ZNF583: variants seen among roughly 807,000 people sequenced by gnomAD.
ZNF583 encodes the protein zinc finger protein 583, also known as zinc finger protein L3-5.
In ZNF583, 30 loss-of-function variants were observed where a neutral mutation model predicts 55.3. The observed-to-expected ratio is 0.54, with a 90% CI of 0.41 to 0.74. ZNF583 has a LOEUF of 0.74. Ranked by LOEUF, ZNF583 falls within the 30% of genes least tolerant of loss-of-function variation. ZNF583 has a pLI of 0.00. For missense variants in ZNF583, 504 were observed against 664.7 expected, an observed-to-expected ratio of 0.76 and a Z score of 2.66; for synonymous variants, 208 against 220.0, an observed-to-expected ratio of 0.95 and a Z score of 0.48.
Position 56,424,377 on chromosome 19 carries a change from G to C in ZNF583, c.*9G>C. The stretch of plus-strand genomic sequence containing the variant: ...TAGGTTTCATCTCCTGAATATTTCT[G>C]GAATCCACCTCTTGAATCCATTTCC... On this transcript the variant is annotated 3_prime_UTR_variant, in exon 5 of 5. Transcript: ENST00000333201. 1 of 1,145,464 alleles carries C rather than the reference G, an allele frequency of 8.7e-7. No individual in the cohort carries two copies. Among genetic ancestry groups the C allele is most frequent in the South Asian group, 1.3e-5 (1 of 77,830 alleles). The allele number at this position is 1,145,464 out of a possible 1,614,324, so 71.0% of individuals were successfully genotyped here.
rs2042118814 is a variant in ZNF583 at position 56,404,778 on chromosome 19, C to T, written c.-90+326C>T. Among the ~76,000 whole-genome samples, 1 of 152,040 alleles carries T rather than the reference C, an allele frequency of 6.6e-6. No homozygotes were observed. Among genetic ancestry groups the T allele is most frequent in the Non-Finnish European group, 1.5e-5 (1 of 68,022 alleles). On this transcript the variant is annotated intron_variant, in intron 1 of 4. Coordinates refer to ENST00000333201, the MANE Select transcript of ZNF583 (RefSeq NM_152478.3). This position sits in a 1 kb window ranked among gnomAD's most constrained non-coding sequence, Gnocchi z 5.2. ...ACCGTTGCCCCGGTGTATGCGGGAG[C>T]CTTTGACAGTATATGGGACCGTGTG... is the stretch of plus-strand genomic sequence containing the variant.
chr19:56,424,328 C>A lies in ZNF583; in HGVS notation c.1670C>A (p.Thr557Lys). 2 of 1,587,118 alleles carry A rather than the reference C, an allele frequency of 1.3e-6. No individual in the cohort carries two copies. The highest frequency in any genetic ancestry group is 1.7e-5 in the Admixed American group (1 of 59,822). ...ACTCTTTCCTCTCCCTCACCCTCCA[C>A]ATCAAATCAGTTGCCAAGACCTGTA... ...FLTLSSPSPS[T>K]SNQLPRPVGF... is the part of the protein sequence containing the mutation. Residue 557 changes from threonine to lysine, a missense_variant, in exon 5 of 5, where the codon ACA becomes AAA. Coordinates refer to ENST00000333201, the MANE Select transcript of ZNF583 (RefSeq NM_152478.3).
Position 56,407,101 on chromosome 19 carries a change from G to C in ZNF583, c.-14G>C. 1 of 1,614,098 alleles carries C rather than the reference G, an allele frequency of 6.2e-7. No homozygotes were observed. The highest frequency in any genetic ancestry group is 2.2e-5 in the East Asian group (1 of 44,870). ...AGGACAGAAGAACTGTCAAATTCTG[G>C]AATCCTTAAAGCCATGTCCAAGGTA... On this transcript the variant is annotated 5_prime_UTR_variant, in exon 2 of 5. Coordinates refer to ENST00000333201, the MANE Select transcript of ZNF583 (RefSeq NM_152478.3).
chr19:56,424,537 AT>A lies in ZNF583; in HGVS notation c.*170del, dbSNP rs1600383288. ...TGCAACCAAATTTGTATTTTTAAAA[AT>A]ATGTTTAATCTCATTTCTCCCTCAT... On this transcript the variant is annotated 3_prime_UTR_variant, in exon 5 of 5. Coordinates refer to ENST00000333201, the MANE Select transcript of ZNF583 (RefSeq NM_152478.3). The A allele has an allele frequency of 9.4e-6, 5 of 532,146 alleles. No individual in the cohort carries two copies. In the East Asian group the frequency reaches 1.5e-4, roughly 16 times the overall value. 33.0% of individuals were successfully genotyped at this position (532,146 alleles called of 1,614,324 possible). A position where few individuals can be genotyped will look rare whatever the true frequency, so the allele number is the denominator to read the frequency against.
chr19:56,421,549 C>T (rs2042416402), intron 4 of ZNF583: 1 of 958,394 alleles, frequency 1.0e-6, no homozygotes, highest in Non-Finnish European at 1.2e-6. Flanking sequence ...AGATTCTTTT[C>T]CTTCCAAATA....
At position 56,423,360 on chromosome 19, in the gene ZNF583, T is replaced by C; in HGVS notation, c.702T>C (p.His234=). ...CCCTTACTCTTCATCAGAGAATTCA[T>C]ACTGGAGAGAAACCCTATGCATGTG... ...SSSLTLHQRI[H]TGEKPYACVE... The change falls in exon 5 of 5, where the codon CAT becomes CAC. Residue 234 remains histidine, a synonymous_variant. Transcript: ENST00000333201. 1.2e-6 allele frequency: 2 copies of C among 1,614,088 alleles called. No individual in the cohort carries two copies. Among genetic ancestry groups the C allele is most frequent in the African/African-American group, 1.3e-5 (1 of 75,034 alleles).
In ZNF583 at chr19:56,424,440, G is replaced by T; in HGVS notation, c.*72G>T. 1 of 681,074 alleles carries T rather than the reference G, an allele frequency of 1.5e-6. No individual in the cohort carries two copies. Among genetic ancestry groups the T allele is most frequent in the South Asian group, 1.8e-5 (1 of 54,110 alleles). 42.2% of individuals were successfully genotyped at this position (681,074 alleles called of 1,614,324 possible). A position where few individuals can be genotyped will look rare whatever the true frequency, so the allele number is the denominator to read the frequency against. On this transcript the variant is annotated 3_prime_UTR_variant, in exon 5 of 5. Transcript: ENST00000333201. Reference sequence around the variant, plus strand: ...TTGTCCAATGCACATTAATATATTTGACATGGGATACTCGAGTAGCTTTCT... The same window carrying T: ...TTGTCCAATGCACATTAATATATTTTACATGGGATACTCGAGTAGCTTTCT...
chr19:56,423,773 G>T lies in ZNF583; in HGVS notation c.1115G>T (p.Arg372Ile). 1.9e-6 allele frequency: 3 copies of T among 1,613,436 alleles called. No individual in the cohort carries two copies. The highest frequency in any genetic ancestry group is 2.5e-6 in the Non-Finnish European group (3 of 1,179,906). Residue 372 changes from arginine (R) to isoleucine (I), a missense_variant, in exon 5 of 5, where the codon AGA becomes ATA. Around this residue, in one of 3 missense-constraint regions of ZNF583, gnomAD observed 237 missense variants for 373.0 expected, o/e 0.64. Transcript: ENST00000333201. ...CGTGGATACCTAATTGTACATCAGAGAATTCATACTGGAGAGAGACCCTAC... is the reference window on the plus strand; with the variant it reads ...CGTGGATACCTAATTGTACATCAGATAATTCATACTGGAGAGAGACCCTAC... Reference protein sequence around the residue: ...SHRGYLIVHQRIHTGERPYEC... With the variant: ...SHRGYLIVHQIIHTGERPYEC...
In ZNF583 at chr19:56,425,044, T is replaced by C. The variant is rs558503635; in HGVS notation, c.*676T>C. On this transcript the variant is annotated 3_prime_UTR_variant, in exon 5 of 5. Transcript: ENST00000333201. ...GATGCAGCAGCTCAGGACTGAGAGA[T>C]TGTGAAGTTTTTTTTTTTTTAGGAA... 1 of 152,000 alleles carries C rather than the reference T, an allele frequency of 6.6e-6. No homozygotes were observed. The highest frequency in any genetic ancestry group is 2.4e-5 in the African/African-American group (1 of 41,480). The allele number at this position is 152,000 out of a possible 1,614,324, so 9.4% of individuals were successfully genotyped here. A position where few individuals can be genotyped will look rare whatever the true frequency, so the allele number is the denominator to read the frequency against.
At chr19:56,412,277 G>C (rs948423797) in intron 2 of ZNF583, among the ~76,000 whole-genome samples, 1 of 152,214 alleles carries the variant, frequency 6.6e-6, no homozygotes, top group Non-Finnish European at 1.5e-5. Context: ...TCAAAACCAA[G>C]ATGCATATGC....
At chr19:56,405,106 A>G (rs1039288396) in intron 1 of ZNF583, among the ~76,000 whole-genome samples, 3 of 151,918 alleles carry the variant, frequency 2.0e-5, no homozygotes, top group Non-Finnish European at 4.4e-5. Context: ...ATATGGGACC[A>G]CATGAAACTG....
At chr19:56,415,710 T>C (rs1008234936) in intron 4 of ZNF583, among the ~76,000 whole-genome samples, 4 of 152,058 alleles carry the variant, frequency 2.6e-5, no homozygotes, top group Non-Finnish European at 5.9e-5. Context: ...ATTACAGGCA[T>C]GCACCACTAC....
At chr19:56,410,228 T>C (rs2042216384) in intron 2 of ZNF583, among the ~76,000 whole-genome samples, 1 of 152,202 alleles carries the variant, frequency 6.6e-6, no homozygotes, top group African/African-American at 2.4e-5. Flanking sequence ...CCACCCTGAA[T>C]TGTTTTTTCA....
At chr19:56,410,417 C>T (rs2042219460) in intron 2 of ZNF583, among the ~76,000 whole-genome samples, 1 of 152,068 alleles carries the variant, frequency 6.6e-6, no homozygotes, top group Non-Finnish European at 1.5e-5. Flanking sequence ...AAGATTTATC[C>T]AGCTGGGTGT....
Position 56,424,363 on chromosome 19 carries a change from T to C in ZNF583, c.1705T>C (p.Ser569Pro). The stretch of plus-strand genomic sequence containing the variant: ...GTTGCCAAGACCTGTAGGTTTCATC[T>C]CCTGAATATTTCTGGAATCCACCTC... ...NQLPRPVGFI[S>P] is the part of the protein sequence containing the mutation. Residue 569 changes from serine (S) to proline (P), a missense_variant, in exon 5 of 5, where the codon TCC (serine) becomes CCC (proline). By Grantham distance (74) the Ser-to-Pro change is moderately conservative. Around this residue, in one of 3 missense-constraint regions of ZNF583, gnomAD observed 63 missense variants for 56.5 expected, o/e 1.11. Coordinates refer to ENST00000333201, the MANE Select transcript of ZNF583 (RefSeq NM_152478.3). 7.5e-7 allele frequency: 1 copy of C among 1,324,916 alleles called. No homozygotes were observed. The highest frequency in any genetic ancestry group is 2.3e-5 in the East Asian group (1 of 42,622). 82.1% of individuals were successfully genotyped at this position (1,324,916 alleles called of 1,614,324 possible).
In ZNF583 at chr19:56,423,686, A is replaced by G; in HGVS notation, c.1028A>G (p.Gln343Arg). Residue 343 changes from glutamine to arginine, a missense_variant, in exon 5 of 5, where the codon CAG (glutamine) becomes CGG (arginine). This residue lies in a region of ZNF583 where 237 missense variants were observed against 373.0 expected (regional missense o/e 0.64). Coordinates refer to ENST00000333201, the MANE Select transcript of ZNF583 (RefSeq NM_152478.3). ...FSNGSFLAQH[Q>R]RIHTGEKPYV... ...AATGGTTCATTTCTTGCTCAGCATC[A>G]GAGAATTCATACAGGAGAGAAACCT... is the stretch of plus-strand genomic sequence containing the variant. The G allele has an allele frequency of 3.7e-6, 6 of 1,614,132 alleles. No homozygotes were observed. Among genetic ancestry groups the G allele is most frequent in the Non-Finnish European group, 5.1e-6 (6 of 1,180,010 alleles).
At chr19:56,416,655 C>T (rs919014495) in intron 4 of ZNF583, among the ~76,000 whole-genome samples, 3 of 149,702 alleles carry the variant, frequency 2.0e-5, no homozygotes, top group African/African-American at 7.4e-5. Context: ...TTTGTTACTG[C>T]TGTTCATACT....
At chr19:56,414,529 T>C (rs191604923) in intron 4 of ZNF583, 89 bp downstream of exon 4, 1 of 1,203,902 alleles carries the variant, frequency 8.3e-7, no homozygotes, top group Non-Finnish European at 1.2e-6. Context: ...TGACGTTTCC[T>C]GGGTAGCTCT....
chr19:56,423,048 C>G lies in ZNF583; in HGVS notation c.390C>G (p.Asn130Lys). Residue 130 changes from asparagine (N) to lysine (K), a missense_variant, in exon 5 of 5, where the codon AAC becomes AAG. By Grantham distance (94) the Asn-to-Lys change is moderately conservative. Coordinates refer to ENST00000333201, the MANE Select transcript of ZNF583 (RefSeq NM_152478.3). ...GTCAAAGTGAGGACTGGTATAAGAA[C>G]CAGCTGGGAAGTCAAGAGGTACATC... Reference protein sequence around the residue: ...EDCQSEDWYKNQLGSQEVHLS... With the variant: ...EDCQSEDWYKKQLGSQEVHLS... 3 of 1,613,922 alleles carry G rather than the reference C, an allele frequency of 1.9e-6. No individual in the cohort carries two copies. Among genetic ancestry groups the G allele is most frequent in the East Asian group, 2.2e-5 (1 of 44,868 alleles).
Sources: allele counts gnomAD v4.1 joint callset (sites outside exome capture counted in the v4.1 genomes callset), GRCh38; gene constraint gnomAD v4.1.1; regional missense constraint gnomAD v4.1.1; non-coding constraint Gnocchi (gnomAD v3.1); transcripts MANE v1.5; gene names NCBI Gene and HGNC (gene_info 2026-07-23, HGNC 2026-07-21).